ATF2: variants seen among roughly 807,000 people sequenced by gnomAD.
The protein encoded by ATF2 is cyclic AMP-dependent transcription factor ATF-2.
A neutral mutation model predicts 60.6 loss-of-function variants in ATF2; 24 were observed. That is an observed-to-expected ratio of 0.40 (90% CI 0.29 to 0.56). ATF2 has a LOEUF of 0.56. Among genes scored for constraint, ATF2 ranks in the 20% least tolerant of loss-of-function variants. The pLI, the probability that ATF2 is intolerant of heterozygous loss-of-function variation, is 0.54. For missense variants in ATF2, 433 were observed against 607.7 expected, an observed-to-expected ratio of 0.71 and a Z score of 3.02; for synonymous variants, 206 against 215.4, an observed-to-expected ratio of 0.96 and a Z score of 0.38.
chr2:175,141,047 ATATATG>A (rs1698500412), intron 2 of ATF2, among the ~76,000 whole-genome samples: 1 of 130,342 alleles, frequency 7.7e-6, no homozygotes, highest in Non-Finnish European at 1.6e-5. Flanking sequence ...ATATATATAT[ATATATG>A]TATATATATA....
chr2:175,078,696 T>A (rs3771925), intron 13 of ATF2, among the ~76,000 whole-genome samples: 1 of 152,174 alleles, frequency 6.6e-6, no homozygotes, highest in Non-Finnish European at 1.5e-5. Flanking sequence ...AAGATTTAGC[T>A]AGTATTACAA....
intron 11 of ATF2, among the ~76,000 whole-genome samples, chr2:175,095,346 G>T (rs1574349753): frequency 1.3e-5 from 2 of 151,976 alleles, no homozygotes; most frequent in African/African-American, 4.8e-5. Flanking sequence ...CCCGCCTCAG[G>T]CTCCCAAAGT....
At chr2:175,133,508 A>G (rs1022841710) in intron 3 of ATF2, among the ~76,000 whole-genome samples, 3 of 152,218 alleles carry the variant, frequency 2.0e-5, no homozygotes, top group Non-Finnish European at 2.9e-5. Flanking sequence ...AGTGCTTTAG[A>G]TCAATGTTTC....
rs1358219991 is a variant in ATF2 at position 175,114,725 on chromosome 2, T to C, written c.591A>G (p.Val197=). The C allele has an allele frequency of 1.9e-6, 3 of 1,614,002 alleles. No individual in the cohort carries two copies. The change falls in exon 8 of 14, where the codon GTA becomes GTG. Residue 197 remains valine, a synonymous_variant. Transcript: ENST00000264110. ...TGTTAGAGGATGGTGCCTGGGTGAT[T>C]ACAGTACTTGAGGTTGGTGAAGGTA... ...QAVPSPTSST[V]ITQAPSSNRP... is the part of the protein sequence containing the mutation.
chr2:175,097,381 G>A (rs1574354723), intron 11 of ATF2, 63 bp downstream of exon 11: 5 of 1,573,326 alleles, frequency 3.2e-6, no homozygotes, highest in Non-Finnish European at 4.3e-6. Context: ...TAAGCCGTAA[G>A]TTACACTGTA....
intron 2 of ATF2, among the ~76,000 whole-genome samples, chr2:175,149,042 T>C (rs1247485238): frequency 6.6e-6 from 1 of 152,220 alleles, no homozygotes; most frequent in African/African-American, 2.4e-5. Context: ...TCCAAATAAA[T>C]CTCTTCAAAT....
intron 3 of ATF2, among the ~76,000 whole-genome samples, chr2:175,132,192 C>T (rs940769424): frequency 1.2e-4 from 19 of 152,090 alleles, no homozygotes; most frequent in South Asian, 2.1e-4. Context: ...CTTCACAGAC[C>T]GCTCTCACAT....
At position 175,073,069 on chromosome 2, in the gene ATF2, T is replaced by G. The variant is rs939469732; in HGVS notation, c.*1540A>C. ...CTTATTATAAATGCATTACAGATAT[T>G]TACATAGTGGAATCCTGCTTGAATG... On this transcript the variant is annotated 3_prime_UTR_variant, in exon 14 of 14. Transcript: ENST00000264110. 2 of 152,142 alleles carry G rather than the reference T, an allele frequency of 1.3e-5. No homozygotes were observed. Among genetic ancestry groups the G allele is most frequent in the African/African-American group, 4.8e-5 (2 of 41,434 alleles). The allele number at this position is 152,142 out of a possible 1,614,324, so 9.4% of individuals were successfully genotyped here.
In ATF2 at chr2:175,118,239, G is replaced by T. The variant is rs1316476566; in HGVS notation, c.318+12C>A. On this transcript the variant is annotated intron_variant, in intron 6 of 13. Transcript: ENST00000264110. ...AGAAGTACTCTTTTTAAATTTCATG[G>T]TTACAACATACTTTTTTAATGTCAT... 1.2e-6 allele frequency: 2 copies of T among 1,600,396 alleles called. No homozygotes were observed. Among genetic ancestry groups the T allele is most frequent in the African/African-American group, 1.4e-5 (1 of 74,002 alleles).
chr2:175,093,196 A>G lies in ATF2; in HGVS notation c.1050T>C (p.Asp350=), dbSNP rs1282518720. The G allele has an allele frequency of 1.9e-6, 3 of 1,614,022 alleles. No homozygotes were observed. The highest frequency in any genetic ancestry group is 1.6e-4 in the Middle Eastern group (1 of 6,062). The change falls in exon 12 of 14, where the codon GAT becomes GAC. Residue 350 remains aspartate, a synonymous_variant. Coordinates refer to ENST00000264110, the MANE Select transcript of ATF2 (RefSeq NM_001880.4). ...SGRRRRAANE[D]PDEKRRKFLE... ...AAAACTTTCTCCTTTTTTCATCAGG[A>G]TCTTCGTTAGCTGCTCTTCTCCGAC...
At chr2:175,146,811 C>T (rs1266183983) in intron 2 of ATF2, among the ~76,000 whole-genome samples, 1 of 152,116 alleles carries the variant, frequency 6.6e-6, no homozygotes, top group Admixed American at 6.6e-5. Context: ...AAAAAAATAG[C>T]ATGTATAGGG....
At chr2:175,150,134 T>G (rs1423700090) in intron 2 of ATF2, among the ~76,000 whole-genome samples, 1 of 152,222 alleles carries the variant, frequency 6.6e-6, no homozygotes, top group African/African-American at 2.4e-5. Flanking sequence ...TTATCAAGTG[T>G]TATCACCCAT....
chr2:175,129,752 C>A (rs1291142040), intron 4 of ATF2, among the ~76,000 whole-genome samples: 1 of 151,872 alleles, frequency 6.6e-6, no homozygotes, highest in Non-Finnish European at 1.5e-5. Context: ...GAAGTAAATA[C>A]CAGTTAATTT....
At chr2:175,115,831 AAAG>A (rs1696515242) in intron 7 of ATF2, among the ~76,000 whole-genome samples, 1 of 152,208 alleles carries the variant, frequency 6.6e-6, no homozygotes, top group Non-Finnish European at 1.5e-5. Flanking sequence ...ACAAAGGATG[AAAG>A]ATTAGCTGAA....
At chr2:175,127,797 T>C (rs969030488) in intron 4 of ATF2, among the ~76,000 whole-genome samples, 1 of 152,212 alleles carries the variant, frequency 6.6e-6, no homozygotes, top group Admixed American at 6.5e-5. Flanking sequence ...GCACATTCCC[T>C]GGTTAACCTA....
At chr2:175,104,060 T>TA (rs1695480096) in intron 10 of ATF2, among the ~76,000 whole-genome samples, 1 of 151,464 alleles carries the variant, frequency 6.6e-6, no homozygotes, top group Non-Finnish European at 1.5e-5. Flanking sequence ...TTTTTTTTTT[T>TA]AGCAGAAAAG....
intron 10 of ATF2, among the ~76,000 whole-genome samples, chr2:175,110,539 G>A (rs779089280): frequency 9.9e-5 from 15 of 151,974 alleles, no homozygotes; most frequent in Non-Finnish European, 1.8e-4. Context: ...CCAATTAATC[G>A]ATGTTATTAA....
intron 1 of ATF2, among the ~76,000 whole-genome samples, chr2:175,155,671 T>G (rs370809699): frequency 1.3e-5 from 2 of 152,192 alleles, no homozygotes; most frequent in South Asian, 2.1e-4. Context: ...TTTAAAACAT[T>G]AAAATACATT....
chr2:175,122,535 A>T (rs531729765), intron 4 of ATF2, among the ~76,000 whole-genome samples: 2 of 152,024 alleles, frequency 1.3e-5, no homozygotes, highest in Non-Finnish European at 2.9e-5. Context: ...AATTCACTAC[A>T]TCCTTTCATG....
Sources: allele counts gnomAD v4.1 joint callset (sites outside exome capture counted in the v4.1 genomes callset), GRCh38; gene constraint gnomAD v4.1.1; transcripts MANE v1.5; gene names NCBI Gene and HGNC (gene_info 2026-07-23, HGNC 2026-07-21).